NID1: variants seen among roughly 807,000 people sequenced by gnomAD.
The protein encoded by NID1 is nidogen-1.
Under a neutral mutation model 130.6 loss-of-function variants are expected in NID1, and 76 were observed. That is an observed-to-expected ratio of 0.58 (90% confidence interval 0.48 to 0.70). The LOEUF (loss-of-function observed/expected upper bound fraction) is 0.70, where lower values mean the gene tolerates loss of function less well. Among genes scored for constraint, NID1 ranks in the 30% least tolerant of loss-of-function variants. The pLI, the probability that NID1 is intolerant of heterozygous loss-of-function variation, is 0.00. For missense variants in NID1, 1,517 were observed against 1,664.8 expected (o/e 0.91, Z 1.54); for synonymous variants, 665 against 675.1 (o/e 0.98, Z 0.23).
At chr1:235,997,410 C>T (rs888480725) in intron 12 of NID1, among the ~76,000 whole-genome samples, 2 of 152,096 alleles carry the variant, frequency 1.3e-5, no homozygotes, top group African/African-American at 2.4e-5. Flanking sequence ...AACCCCTGCT[C>T]TAGGCATTAC....
At chr1:235,993,966 A>C in intron 12 of NID1, 94 bp from the exon 13 acceptor site, 1 of 1,126,654 alleles carries the variant, frequency 8.9e-7, no homozygotes, top group Non-Finnish European at 1.3e-6. Flanking sequence ...CTCGCTCAGA[A>C]CCACGAGGGC....
chr1:236,038,234 A>G lies in NID1; in HGVS notation c.1155T>C (p.Asp385=), dbSNP rs373578624. The part of the protein sequence containing the change: ...ETGVVFSYNT[D]SRQTCANNRH... ...TGTTGTTAGCACACGTCTGGCGGGA[A>G]TCCGTGTTATAGCTGAAAACTGGTC... Residue 385 remains aspartate, a synonymous_variant, in exon 5 of 20, where the codon GAT becomes GAC. Coordinates refer to ENST00000264187, the MANE Select transcript of NID1 (RefSeq NM_002508.3). The G allele has an allele frequency of 2.3e-5, 37 of 1,612,934 alleles. No individual in the cohort carries two copies. In the East Asian group the frequency reaches 4.0e-4, roughly 17 times the overall value.
At position 235,981,785 on chromosome 1, in the gene NID1, A is replaced by G. The variant is rs770251160; in HGVS notation, c.3056-3T>C. On this transcript the variant is annotated splice_region_variant and splice_polypyrimidine_tract_variant and intron_variant, in intron 15 of 19. Transcript: ENST00000264187. ...GATACCTTCTGGACTTCCAAGATCT[A>G]GAAGTAAACACAGAGCTCCTCTAAT... is the stretch of plus-strand genomic sequence containing the variant. The G allele has an allele frequency of 3.7e-6, 6 of 1,600,238 alleles. No individual in the cohort carries two copies. The East Asian group carries it at 6.7e-5, about 18-fold the overall frequency.
rs1276505698 is a variant in NID1 at position 235,978,007 on chromosome 1, A to T, written c.3623-19T>A. ...TTATGGCCTGGAAAAGGCAGAAATC[A>T]GTTCAATAGCCCTCTCTCTGATCTG... On this transcript the variant is annotated intron_variant, in intron 19 of 19. Transcript: ENST00000264187. 1 of 1,613,240 alleles carries T rather than the reference A, an allele frequency of 6.2e-7. No individual in the cohort carries two copies. The highest frequency in any genetic ancestry group is 8.5e-7 in the Non-Finnish European group (1 of 1,179,580).
chr1:236,002,320 T>C (rs553685871), intron 12 of NID1, among the ~76,000 whole-genome samples: 99 of 152,226 alleles, frequency 6.5e-4, no homozygotes, highest in African/African-American at 2.3e-3. Flanking sequence ...CTGGCTAACA[T>C]GGTGAAACCC....
At chr1:236,047,390 G>T (rs2102844495) in intron 2 of NID1, among the ~76,000 whole-genome samples, 1 of 152,222 alleles carries the variant, frequency 6.6e-6, no homozygotes, top group Non-Finnish European at 1.5e-5. Flanking sequence ...TAAAGGTGAA[G>T]TTATGGTAGA....
chr1:236,036,598 T>C (rs1464098268), intron 5 of NID1, among the ~76,000 whole-genome samples: 1 of 152,188 alleles, frequency 6.6e-6, no homozygotes, highest in Admixed American at 6.6e-5. Flanking sequence ...CCAAAACTCA[T>C]ATTGAAACTT....
chr1:235,990,742 T>A (rs1657708177), intron 14 of NID1, 144 bp downstream of exon 14: 2 of 831,388 alleles, frequency 2.4e-6, no homozygotes, highest in Non-Finnish European at 3.9e-6. Flanking sequence ...TGGCCCCATC[T>A]AGAGATGGTC....
At chr1:236,061,618 A>G (rs1417228494) in intron 1 of NID1, among the ~76,000 whole-genome samples, 5 of 152,094 alleles carry the variant, frequency 3.3e-5, no homozygotes, top group Non-Finnish European at 7.4e-5. Flanking sequence ...GGTGCACGCC[A>G]CCACACCTGG....
intron 7 of NID1, among the ~76,000 whole-genome samples, chr1:236,026,621 G>T (rs541496512): frequency 5.3e-5 from 8 of 152,224 alleles, no homozygotes; most frequent in African/African-American, 1.7e-4. Flanking sequence ...GAATCAAGCA[G>T]ACTAATAGTA....
intron 12 of NID1, among the ~76,000 whole-genome samples, chr1:235,994,135 G>A (rs1657849485): frequency 6.6e-6 from 1 of 152,188 alleles, no homozygotes; most frequent in Non-Finnish European, 1.5e-5. Flanking sequence ...AAAAAGAAAT[G>A]AAGCAAATTG....
At chr1:236,024,272 C>T in intron 8 of NID1, 59 bp from the exon 9 acceptor site, 3 of 1,588,782 alleles carry the variant, frequency 1.9e-6, no homozygotes, top group Middle Eastern at 1.7e-4. Flanking sequence ...CAGGTTTCCT[C>T]CTTCCACAGA....
chr1:235,995,910 A>T (rs948770279), intron 12 of NID1, among the ~76,000 whole-genome samples: 1 of 152,206 alleles, frequency 6.6e-6, no homozygotes, highest in Non-Finnish European at 1.5e-5. Flanking sequence ...CTGTAATTCC[A>T]GCACTTTGGG....
chr1:235,996,525 C>T (rs1175100717), intron 12 of NID1, among the ~76,000 whole-genome samples: 1 of 152,086 alleles, frequency 6.6e-6, no homozygotes, highest in East Asian at 1.9e-4. Context: ...TCACTGCAAC[C>T]TTAACCTCCC....
chr1:235,998,281 C>G (rs1043620966), intron 12 of NID1, among the ~76,000 whole-genome samples: 2 of 152,150 alleles, frequency 1.3e-5, no homozygotes, highest in African/African-American at 4.8e-5. Flanking sequence ...ACCATGCATG[C>G]TTTTCTTTTG....
intron 2 of NID1, among the ~76,000 whole-genome samples, 180 bp downstream of exon 2, chr1:236,048,510 C>G (rs1049233433): frequency 2.0e-5 from 3 of 152,074 alleles, no homozygotes; most frequent in African/African-American, 7.2e-5. Context: ...GTTATACAAC[C>G]TTGCAGATAA....
chr1:236,024,135 C>T lies in NID1; in HGVS notation c.2063G>A (p.Gly688Asp), dbSNP rs201627516. ...GCDTNAACRP[G>D]PRTQFTCECS... ...CTCGCAGGTGAACTGTGTCCTGGGA[C>T]CAGGGCGACAGGCCGCGTTGGTGTC... The change falls in exon 9 of 20, where the codon GGT becomes GAT. Residue 688 changes from glycine to aspartate, a missense_variant. Physicochemically the swap from Gly to Asp is moderately conservative, Grantham distance 94 (BLOSUM62 -1). Transcript: ENST00000264187. 27 of 1,614,120 alleles carry T rather than the reference C, an allele frequency of 1.7e-5. No homozygotes were observed. Among genetic ancestry groups the T allele is most frequent in the Non-Finnish European group, 2.2e-5 (26 of 1,180,042 alleles).
At chr1:236,027,043 T>C (rs1658953573) in intron 7 of NID1, among the ~76,000 whole-genome samples, 1 of 152,014 alleles carries the variant, frequency 6.6e-6, no homozygotes, top group Non-Finnish European at 1.5e-5. Context: ...TTCTGGCCAA[T>C]AAATGGTGAT....
chr1:236,012,153 G>A, intron 11 of NID1, 110 bp from the exon 12 acceptor site: 1 of 1,349,478 alleles, frequency 7.4e-7, no homozygotes, highest in Non-Finnish European at 1.0e-6. Flanking sequence ...CTTCTGATCT[G>A]GGAACAGTAA....
Sources: allele counts gnomAD v4.1 joint callset (sites outside exome capture counted in the v4.1 genomes callset), GRCh38; gene constraint gnomAD v4.1.1; transcripts MANE v1.5; gene names NCBI Gene and HGNC (gene_info 2026-07-23, HGNC 2026-07-21).